The following AFF3 variants were observed in gnomAD, a reference collection of about 807,000 sequenced individuals.
AFF3 encodes the protein ALF transcription elongation factor 3, also known as AF4/FMR2 family member 3.
A neutral mutation model predicts 129.7 loss-of-function variants in AFF3; 32 were observed. The observed-to-expected ratio is 0.25, with a 90% confidence interval of 0.19 to 0.33. The LOEUF is 0.33. Ranked by LOEUF, AFF3 falls within the 10% of genes least tolerant of loss-of-function variation. The pLI is 1.00. For missense variants in AFF3, 1,373 were observed against 1,592.0 expected (o/e 0.86, Z 2.34); for synonymous variants, 644 against 635.4 (o/e 1.01, Z -0.20).
At chr2:99,801,668 T>C (rs769004095) in intron 8 of AFF3, among the ~76,000 whole-genome samples, 8 of 152,220 alleles carry the variant, frequency 5.3e-5, no homozygotes, top group Admixed American at 1.3e-4. Flanking sequence ...GTTTTCACCA[T>C]GTCACTAGCT....
intron 13 of AFF3, among the ~76,000 whole-genome samples, chr2:99,633,389 T>C (rs528045260): frequency 4.6e-5 from 7 of 151,920 alleles, no homozygotes; most frequent in African/African-American, 1.7e-4. Context: ...TGCTGGGGGA[T>C]AGGGTGTTTA....
At chr2:99,741,722 T>C (rs1680735850) in intron 10 of AFF3, among the ~76,000 whole-genome samples, 1 of 151,918 alleles carries the variant, frequency 6.6e-6, no homozygotes, top group African/African-American at 2.4e-5. Flanking sequence ...AAAACTACTT[T>C]AAAGTTCATA....
chr2:99,838,200 T>C (rs991779502), intron 7 of AFF3, among the ~76,000 whole-genome samples: 1 of 152,074 alleles, frequency 6.6e-6, no homozygotes, highest in African/African-American at 2.4e-5. Context: ...GCTGTGTGGG[T>C]CCTGCTGGCT....
At chr2:99,698,966 T>C (rs1676571452) in intron 11 of AFF3, among the ~76,000 whole-genome samples, 1 of 152,214 alleles carries the variant, frequency 6.6e-6, no homozygotes, top group African/African-American at 2.4e-5. Context: ...GTAAGAAGTG[T>C]ATGGCTTTAG....
intron 9 of AFF3, among the ~76,000 whole-genome samples, chr2:99,744,473 C>A (rs1296300767): frequency 6.6e-6 from 1 of 152,182 alleles, no homozygotes; most frequent in Non-Finnish European, 1.5e-5. Flanking sequence ...CTACCTCTAT[C>A]TAGTTACAAA....
intron 10 of AFF3, among the ~76,000 whole-genome samples, chr2:99,743,192 G>C (rs1280949429): frequency 1.3e-5 from 2 of 152,110 alleles, no homozygotes; most frequent in Non-Finnish European, 2.9e-5. Context: ...TATTGCCTCC[G>C]CACCACTGTG....
rs555256986 is a variant in AFF3 at position 99,700,934 on chromosome 2, G to A, written c.1091+26143C>T. Among the ~76,000 whole-genome samples, 4 of 152,348 alleles carry A rather than the reference G, an allele frequency of 2.6e-5. No individual in the cohort carries two copies. In the South Asian group the frequency reaches 6.2e-4, roughly 24 times the overall value. On this transcript the variant is annotated intron_variant, in intron 11 of 24. Transcript: ENST00000672756. ...CTCGGAGTGAGCGTGAGACGGTCAC[G>A]TGTACTCAGGGATTGAGGAGGCCCA...
chr2:100,053,632 G>A (rs911159902), intron 4 of AFF3, among the ~76,000 whole-genome samples: 1 of 152,174 alleles, frequency 6.6e-6, no homozygotes, highest in Admixed American at 6.5e-5. Flanking sequence ...CCCTTTGAGT[G>A]TCTTCGTCTT....
chr2:99,900,620 C>G (rs185009811), intron 7 of AFF3, among the ~76,000 whole-genome samples: 1 of 152,142 alleles, frequency 6.6e-6, no homozygotes, highest in Non-Finnish European at 1.5e-5. Context: ...GTACCTCCTG[C>G]GGGCTGGTGC....
intron 11 of AFF3, among the ~76,000 whole-genome samples, chr2:99,690,424 G>A (rs983871815): frequency 1.1e-4 from 16 of 151,646 alleles, no homozygotes; most frequent in South Asian, 2.1e-4. Flanking sequence ...CTCGTGATCC[G>A]CCCGCCTCGG....
At chr2:100,133,894 C>G (rs1692531240) in intron 1 of AFF3, among the ~76,000 whole-genome samples, 2 of 152,084 alleles carry the variant, frequency 1.3e-5, no homozygotes, top group Admixed American at 6.5e-5. Flanking sequence ...GATCGCGCCA[C>G]TGCACTCCAG....
At chr2:99,819,017 G>A (rs1042986442) in intron 8 of AFF3, among the ~76,000 whole-genome samples, 25 of 152,172 alleles carry the variant, frequency 1.6e-4, no homozygotes, top group African/African-American at 6.0e-4. Context: ...TCAAATGAAT[G>A]TTCCACCAGG....
At chr2:100,126,403 T>C (rs1414522780) in intron 2 of AFF3, among the ~76,000 whole-genome samples, 3 of 152,200 alleles carry the variant, frequency 2.0e-5, no homozygotes, top group Non-Finnish European at 2.9e-5. Context: ...TGCCCATTCT[T>C]AGAAGACAGA....
At chr2:99,742,003 CTT>C (rs537818531) in intron 10 of AFF3, among the ~76,000 whole-genome samples, 36 of 152,200 alleles carry the variant, frequency 2.4e-4, no homozygotes, top group African/African-American at 8.7e-4. Context: ...AATTCTCAGA[CTT>C]AATAGGAATA....
At chr2:100,030,869 AT>A (rs1316283210) in intron 4 of AFF3, among the ~76,000 whole-genome samples, 1 of 152,148 alleles carries the variant, frequency 6.6e-6, no homozygotes, top group Non-Finnish European at 1.5e-5. Flanking sequence ...AGTACAGGAG[AT>A]TTTTTAGGGC....
chr2:99,672,067 A>G (rs1381943201), intron 12 of AFF3, among the ~76,000 whole-genome samples: 1 of 152,022 alleles, frequency 6.6e-6, no homozygotes, highest in Non-Finnish European at 1.5e-5. Flanking sequence ...CTCCTTCTCA[A>G]TGTTAATAAT....
chr2:99,956,121 C>CTT (rs548304397), intron 7 of AFF3, among the ~76,000 whole-genome samples: 87 of 142,164 alleles, frequency 6.1e-4, no homozygotes, highest in African/African-American at 2.2e-3. Context: ...CTCATTTAGT[C>CTT]TTTTTTTTTT....
At chr2:99,966,631 A>G (rs1439765932) in intron 7 of AFF3, among the ~76,000 whole-genome samples, 2 of 128,078 alleles carry the variant, frequency 1.6e-5, no homozygotes, top group Non-Finnish European at 3.2e-5. Context: ...CGGAGCTTGC[A>G]GTGAGCCGAG....
chr2:99,834,359 T>C (rs976509454), intron 8 of AFF3, among the ~76,000 whole-genome samples: 1 of 152,206 alleles, frequency 6.6e-6, no homozygotes, highest in Non-Finnish European at 1.5e-5. Flanking sequence ...GCCTACCTCA[T>C]GAAGCAGCTG....
Sources: gnomAD v4.1 joint callset for allele counts (sites outside exome capture counted in the v4.1 genomes callset) on GRCh38, gnomAD v4.1.1 for gene constraint, MANE v1.5 for transcripts, NCBI Gene and HGNC (gene_info 2026-07-23, HGNC 2026-07-21) for gene names.